ATP2C1: variants seen among roughly 807,000 people sequenced by gnomAD.
ATP2C1 encodes ATPase secretory pathway Ca2+ transporting 1.
Under a neutral mutation model 120.5 loss-of-function variants are expected in ATP2C1, and 31 were observed. The observed-to-expected ratio is 0.26, with a 90% CI of 0.19 to 0.35. The LOEUF is 0.35. Among genes scored for constraint, ATP2C1 ranks in the 10% least tolerant of loss-of-function variants. The pLI is 1.00. For synonymous variants in ATP2C1, 351 were observed against 358.7 expected, an observed-to-expected ratio of 0.98 and a Z score of 0.24; for missense variants, 731 against 1,107.5, an observed-to-expected ratio of 0.66 and a Z score of 4.83.
upstream of ATP2C1, chr3:130,893,901 C>G (rs766593996): frequency 1.0e-6 from 1 of 983,968 alleles, no homozygotes; most frequent in African/African-American, 1.7e-5. Context: ...CATTCCGGGC[C>G]GAAGTCTCGG....
intron 17 of ATP2C1, among the ~76,000 whole-genome samples, chr3:130,973,137 T>C (rs1055734471): frequency 1.3e-5 from 2 of 152,160 alleles, no homozygotes; most frequent in Middle Eastern, 3.4e-3. Flanking sequence ...GTAATAGGAA[T>C]AGGTAATAGG....
chr3:130,867,642 A>G (rs2068232488), intron 1 of ATP2C1, among the ~76,000 whole-genome samples: 2 of 149,806 alleles, frequency 1.3e-5, no homozygotes, highest in Non-Finnish European at 3.0e-5. Context: ...GCTCGCTACA[A>G]CCTCCACCTC....
downstream of ATP2C1, among the ~76,000 whole-genome samples, chr3:131,006,626 AGTGTGTGTTTGTGTGTGTGTGTGTGTGT>A (rs1428067783): frequency 3.1e-5 from 3 of 96,188 alleles, no homozygotes; most frequent in East Asian, 8.0e-4. Flanking sequence ...CCAGATTTCT[AGTGTGTGTTTGTGTGTGTGTGTGTGTGT>A]GTGTGTGTGT....
chr3:130,911,412 T>C (rs2058405322), intron 2 of ATP2C1, among the ~76,000 whole-genome samples: 2 of 151,074 alleles, frequency 1.3e-5, no homozygotes, highest in South Asian at 2.1e-4. Flanking sequence ...CCTGGATTCA[T>C]TGATTTTTTT....
chr3:130,971,298 G>C (rs946750641), intron 17 of ATP2C1, among the ~76,000 whole-genome samples: 4 of 152,110 alleles, frequency 2.6e-5, no homozygotes, highest in African/African-American at 9.7e-5. Flanking sequence ...TGTGGGAGTG[G>C]GGGACAGAAA....
In ATP2C1 at chr3:131,002,820, A is replaced by G. The variant is rs147964547; in HGVS notation, c.*1470A>G. 2.0e-6 allele frequency: 2 copies of G among 985,728 alleles called. No homozygotes were observed. The highest frequency in any genetic ancestry group is 2.4e-6 in the Non-Finnish European group (2 of 829,900). 61.1% of individuals were successfully genotyped at this position (985,728 alleles called of 1,614,324 possible). ...AGGGAAAATATCTATTCTTTGAGTC[A>G]TTGTTACTGAGGCAGTTGAGTGTAA... On this transcript the variant is annotated 3_prime_UTR_variant, in exon 28 of 28. Transcript: ENST00000510168.
intron 1 of ATP2C1, among the ~76,000 whole-genome samples, chr3:130,851,420 AT>A (rs35616884): frequency 1.3e-5 from 2 of 152,226 alleles, no homozygotes. Context: ...GCAGTTGGTC[AT>A]TTTTGTGTGT....
intron 1 of ATP2C1, among the ~76,000 whole-genome samples, chr3:130,862,354 A>ATTTC (rs944381018): frequency 6.9e-6 from 1 of 145,942 alleles, no homozygotes; most frequent in Non-Finnish European, 1.5e-5. Flanking sequence ...TTATTTATTT[A>ATTTC]TTTTTAGTAA....
At chr3:131,010,266 C>T (rs1470942061) in intron 26 of ATP2C1, among the ~76,000 whole-genome samples, 1 of 146,016 alleles carries the variant, frequency 6.8e-6, no homozygotes, top group Non-Finnish European at 1.5e-5. Flanking sequence ...TCTCGGCTCA[C>T]TGCAAGCTCT....
chr3:130,937,170 C>G (rs1006884659), intron 5 of ATP2C1, among the ~76,000 whole-genome samples: 1 of 152,070 alleles, frequency 6.6e-6, no homozygotes, highest in Admixed American at 6.6e-5. Context: ...CACTTAAAAG[C>G]TGGTCCTCAA....
intron 16 of ATP2C1, among the ~76,000 whole-genome samples, chr3:130,968,444 A>G (rs2061150190): frequency 6.6e-6 from 1 of 152,208 alleles, no homozygotes; most frequent in Admixed American, 6.5e-5. Context: ...TAAGATAAGA[A>G]CAATGCAAAT....
intron 8 of ATP2C1, among the ~76,000 whole-genome samples, chr3:130,949,566 CTAAGA>C (rs2060283337): frequency 6.6e-6 from 1 of 152,094 alleles, no homozygotes; most frequent in Admixed American, 6.6e-5. Flanking sequence ...GAAGATGTAG[CTAAGA>C]TCATTGAGGA....
chr3:130,979,133 T>C, intron 18 of ATP2C1, 116 bp from the exon 19 acceptor site: 1 of 951,348 alleles, frequency 1.1e-6, no homozygotes, highest in Admixed American at 2.0e-5. Context: ...AATGACATTA[T>C]AGTCTTAAGT....
In ATP2C1 at chr3:130,894,153, C is replaced by A; in HGVS notation, c.-365C>A. 5 of 636,376 alleles carry A rather than the reference C, an allele frequency of 7.9e-6. No homozygotes were observed. Among genetic ancestry groups the A allele is most frequent in the Non-Finnish European group, 7.8e-6 (4 of 510,942 alleles). 39.4% of individuals were successfully genotyped at this position (636,376 alleles called of 1,614,324 possible). ...GTCCCCTCACCTCCTCTTCTCTCCC[C>A]TCCCCGCCCGCCCTCTCTCCCTCCC... On this transcript the variant is annotated 5_prime_UTR_variant, in exon 1 of 28. Transcript: ENST00000510168. The surrounding 1 kb of genome is among the most constrained non-coding windows in gnomAD (Gnocchi z 4.5).
At chr3:130,925,220 C>G (rs1400232672) in intron 2 of ATP2C1, among the ~76,000 whole-genome samples, 1 of 152,148 alleles carries the variant, frequency 6.6e-6, no homozygotes, top group African/African-American at 2.4e-5. Context: ...GAGGGAAGAT[C>G]TGGGATTCAA....
Position 130,894,276 on chromosome 3 carries a change from C to T in ATP2C1, c.-242C>T, listed in dbSNP as rs2069376004. ...TCCTCTTCTCCCGAGGCGCGCGGGG[C>T]GCCCCCGCGAGCCCCGCGGCTGAGA... is the stretch of plus-strand genomic sequence containing the variant. On this transcript the variant is annotated 5_prime_UTR_variant, in exon 1 of 28. Transcript: ENST00000510168. This position sits in a 1 kb window ranked among gnomAD's most constrained non-coding sequence, Gnocchi z 4.5. The T allele has an allele frequency of 1.0e-6, 1 of 985,918 alleles. No individual in the cohort carries two copies. Among genetic ancestry groups the T allele is most frequent in the African/African-American group, 1.7e-5 (1 of 57,244 alleles). 61.1% of individuals were successfully genotyped at this position (985,918 alleles called of 1,614,324 possible).
chr3:130,894,942 G>C lies in ATP2C1; in HGVS notation c.6+167G>C, dbSNP rs977420554. 6.6e-6 allele frequency among the ~76,000 whole-genome samples: 1 copy of C among 152,124 alleles called. No homozygotes were observed. Among genetic ancestry groups the C allele is most frequent in the Non-Finnish European group, 1.5e-5 (1 of 68,032 alleles). On this transcript the variant is annotated intron_variant, in intron 2 of 27. Transcript: ENST00000510168. This position sits in a 1 kb window ranked among gnomAD's most constrained non-coding sequence, Gnocchi z 4.5. The stretch of plus-strand genomic sequence containing the variant: ...CTTAGGGTATCCAGCTTTTATTTTG[G>C]TAACATGGGGCATTTGAGAGATTGA...
rs41266505 is a variant in ATP2C1 at position 130,967,635 on chromosome 3, C to T, written c.1308+216C>T. 5.8e-3 allele frequency among the ~76,000 whole-genome samples: 888 copies of T among 152,174 alleles called. 4 individuals carry two copies. Among genetic ancestry groups the T allele is most frequent in the Non-Finnish European group, 9.0e-3 (610 of 67,992 alleles). On this transcript the variant is annotated intron_variant, in intron 16 of 27. Coordinates refer to ENST00000510168, the MANE Select transcript of ATP2C1 (RefSeq NM_001378687.1). ...AACTTTATTGTTCACATGCAAGTTA[C>T]AAACTAATGAGCAGTCATTGATTTC...
Position 130,894,245 on chromosome 3 carries a change from A to G in ATP2C1, c.-273A>G. 1.0e-6 allele frequency: 1 copy of G among 981,132 alleles called. No homozygotes were observed. The highest frequency in any genetic ancestry group is 1.2e-6 in the Non-Finnish European group (1 of 828,758). 60.8% of individuals were successfully genotyped at this position (981,132 alleles called of 1,614,324 possible). ...TCCCGCCTCGCACCGCTGCCCCGCG[A>G]GCAGCTCCTCTTCTCCCGAGGCGCG... On this transcript the variant is annotated 5_prime_UTR_variant, in exon 1 of 28. Transcript: ENST00000510168. This position sits in a 1 kb window ranked among gnomAD's most constrained non-coding sequence, Gnocchi z 4.5.
Sources: allele counts gnomAD v4.1 joint callset (sites outside exome capture counted in the v4.1 genomes callset), GRCh38; gene constraint gnomAD v4.1.1; non-coding constraint Gnocchi (gnomAD v3.1); transcripts MANE v1.5; gene names NCBI Gene and HGNC (gene_info 2026-07-23, HGNC 2026-07-21).